Variants in MACF1 observed in about 807,000 individuals in gnomAD.
The protein encoded by MACF1 is microtubule-actin cross-linking factor 1.
A neutral mutation model predicts 854.8 loss-of-function variants in MACF1; 193 were observed. The ratio of observed to expected loss-of-function variants is 0.23; its 90% confidence interval spans 0.20 to 0.25. MACF1 has a LOEUF of 0.25. MACF1 is among the 10% of genes least tolerant of loss of function. MACF1 has a pLI of 1.00. For missense variants in MACF1, 7,722 were observed against 8,929.1 expected (o/e 0.86, Z 5.45); for synonymous variants, 3,185 against 3,226.7 (o/e 0.99, Z 0.44).
At chr1:39,220,544 G>A (rs582194) in intron 1 of MACF1, among the ~76,000 whole-genome samples, 18,849 of 146,238 alleles carry the variant, frequency 0.13, 2,421 homozygotes, top group African/African-American at 0.34. Context: ...GTGCAGTGGC[G>A]CAATCTCAGC....
intron 49 of MACF1, among the ~76,000 whole-genome samples, chr1:39,365,118 C>T (rs927566265): frequency 2.0e-5 from 3 of 151,988 alleles, no homozygotes; most frequent in Non-Finnish European, 2.9e-5. Flanking sequence ...GCTCTGTCAC[C>T]GAGGCTGGAG....
rs765631894 is a variant in MACF1 at position 39,385,643 on chromosome 1, C to G, written c.14058C>G (p.Thr4686=). 6.2e-7 allele frequency: 1 copy of G among 1,614,110 alleles called. No individual in the cohort carries two copies. The highest frequency in any genetic ancestry group is 1.7e-5 in the Admixed American group (1 of 60,000). The change falls in exon 57 of 101, where the codon ACC becomes ACG. Residue 4686 remains threonine (T), a synonymous_variant. Coordinates refer to ENST00000564288, the MANE Select transcript of MACF1 (RefSeq NM_001394062.1). ...TTGACCAAGCTATTGTTAAGAGCAC[C>G]CAGTACCAGGAACTGCTCCAGGACT... is the stretch of plus-strand genomic sequence containing the variant. ...SQIDQAIVKS[T]QYQELLQDLS...
rs184278236 is a variant in MACF1 at position 39,396,866 on chromosome 1, G to A, written c.15816+8208G>A. On this transcript the variant is annotated intron_variant, in intron 58 of 100. Transcript: ENST00000564288. The stretch of plus-strand genomic sequence containing the variant: ...TCACAAGTCTCAGCTGTCCCAGTTG[G>A]AAAAACCCAGCTATGGGTAGAATGT... 6.8e-3 allele frequency among the ~76,000 whole-genome samples: 1,030 copies of A among 152,316 alleles called. 8 individuals are homozygous for A. The highest frequency in any genetic ancestry group is 9.8e-3 in the Admixed American group (150 of 15,296).
At position 39,316,254 on chromosome 1, in the gene MACF1, A is replaced by C. The variant is rs974001568; in HGVS notation, c.3450-137A>C. The C allele has an allele frequency of 1.1e-5, 7 of 663,288 alleles. No individual in the cohort carries two copies. The Admixed American group carries it at 2.0e-4, about 19-fold the overall frequency. 41.1% of individuals were successfully genotyped at this position (663,288 alleles called of 1,614,324 possible). On this transcript the variant is annotated intron_variant, in intron 27 of 100. Coordinates refer to ENST00000564288, the MANE Select transcript of MACF1 (RefSeq NM_001394062.1). Reference sequence around the variant, plus strand: ...AAACCACATTTACTTGTTTTCACAAAACCCTGTCAACATCTAAAAATGGTG... The same window carrying C: ...AAACCACATTTACTTGTTTTCACAACACCCTGTCAACATCTAAAAATGGTG...
Position 39,227,326 on chromosome 1 carries a change from G to A in MACF1, c.110-3856G>A, listed in dbSNP as rs74485364. Among the ~76,000 whole-genome samples the A allele has an allele frequency of 4.0e-4, 61 of 152,156 alleles. No individual in the cohort carries two copies. The East Asian group carries it at 4.8e-3, about 12-fold the overall frequency. ...TAATCATACTTGGCCAATTGAGAAC[G>A]CTCTCCGGTGGTTTTATGTTTTAGT... is the stretch of plus-strand genomic sequence containing the variant. On this transcript the variant is annotated intron_variant, in intron 1 of 100. Coordinates refer to ENST00000564288, the MANE Select transcript of MACF1 (RefSeq NM_001394062.1).
intron 20 of MACF1, among the ~76,000 whole-genome samples, chr1:39,296,747 A>AAGGAAGGAAGG (rs1557571161): frequency 7.9e-5 from 3 of 37,950 alleles, no homozygotes; most frequent in Admixed American, 6.8e-4. Context: ...AGAAAGAAAG[A>AAGGAAGGAAGG]AAGAAAGGAA....
chr1:39,252,955 ATGT>A (rs1645058180), intron 4 of MACF1, among the ~76,000 whole-genome samples: 1 of 152,166 alleles, frequency 6.6e-6, no homozygotes, highest in East Asian at 1.9e-4. Context: ...ATTTGGAGCA[ATGT>A]TGTTCTCTGC....
At chr1:39,097,448 A>G (rs1014914385) in intron 2 of MACF1, among the ~76,000 whole-genome samples, 2 of 151,860 alleles carry the variant, frequency 1.3e-5, no homozygotes, top group African/African-American at 2.4e-5. Context: ...GGAGGATAGC[A>G]CAGTGGCTCA....
intron 2 of MACF1, among the ~76,000 whole-genome samples, chr1:39,140,914 C>CAAA (rs34687844): frequency 3.1e-4 from 15 of 48,272 alleles, no homozygotes; most frequent in Non-Finnish European, 4.4e-4. Context: ...GACTCTGTCT[C>CAAA]AAAAAAAAAA....
chr1:39,236,665 C>CT (rs971882029), intron 2 of MACF1, among the ~76,000 whole-genome samples: 2 of 151,846 alleles, frequency 1.3e-5, no homozygotes, highest in African/African-American at 2.4e-5. Flanking sequence ...TTGTAATTTC[C>CT]TTTTTTTTCT....
intron 79 of MACF1, 143 bp downstream of exon 79, chr1:39,443,717 G>A (rs1644165780): frequency 3.2e-6 from 3 of 928,036 alleles, no homozygotes; most frequent in South Asian, 2.0e-5. Context: ...TTTGGGGATT[G>A]CTGCCTGTTA....
At chr1:39,241,078 T>A (rs1644917704) in intron 2 of MACF1, among the ~76,000 whole-genome samples, 1 of 151,566 alleles carries the variant, frequency 6.6e-6, no homozygotes, top group Non-Finnish European at 1.5e-5. Context: ...AGTGTTGGGC[T>A]TTTCCTTGAA....
chr1:39,452,378 A>C (rs771775285), intron 86 of MACF1, 28 bp downstream of exon 86: 2 of 1,601,830 alleles, frequency 1.2e-6, no homozygotes, highest in South Asian at 1.1e-5. Context: ...TCCCAACCCA[A>C]GGGATAGATC....
chr1:39,096,755 T>C (rs1202050561), intron 2 of MACF1, among the ~76,000 whole-genome samples: 2 of 152,110 alleles, frequency 1.3e-5, no homozygotes, highest in Non-Finnish European at 2.9e-5. Flanking sequence ...TTTTTAACCA[T>C]TATATTATAC....
chr1:39,183,881 C>T (rs749963024), intron 2 of MACF1, among the ~76,000 whole-genome samples: 35 of 152,160 alleles, frequency 2.3e-4, no homozygotes, highest in Non-Finnish European at 4.0e-4. Flanking sequence ...CACAGGATTA[C>T]CAAAGAATGA....
At chr1:39,299,732 G>A (rs1178861089) in intron 21 of MACF1, among the ~76,000 whole-genome samples, 1 of 152,072 alleles carries the variant, frequency 6.6e-6, no homozygotes, top group Non-Finnish European at 1.5e-5. Flanking sequence ...GTAGAGCTTG[G>A]GAGATATAAT....
Position 39,333,484 on chromosome 1 carries a change from A to G in MACF1, c.6896A>G (p.His2299Arg). The change falls in exon 37 of 101, where the codon CAT becomes CGT. Residue 2299 changes from histidine to arginine, a missense_variant. Around this residue, in one of 15 missense-constraint regions of MACF1, gnomAD observed 1,531 missense variants for 1,601.6 expected, o/e 0.96. Transcript: ENST00000564288. Reference sequence around the variant, plus strand: ...CAGTTACTAGATGGTGGTATCTTTCATGAACAAACAGGTCAAAAGCTCTTA... The same window carrying G: ...CAGTTACTAGATGGTGGTATCTTTCGTGAACAAACAGGTCAAAAGCTCTTA... ...SAQLLDGGIF[H>R]EQTGQKLLLN... 2 of 1,614,226 alleles carry G rather than the reference A, an allele frequency of 1.2e-6. No homozygotes were observed. Among genetic ancestry groups the G allele is most frequent in the South Asian group, 1.1e-5 (1 of 91,086 alleles).
At chr1:39,443,029 G>T (rs75882914) in intron 78 of MACF1, 118 bp downstream of exon 78, 9 of 971,152 alleles carry the variant, frequency 9.3e-6, no homozygotes, top group Non-Finnish European at 1.4e-5. Context: ...TGAGGGGAAG[G>T]TTAATACTGT....
intron 23 of MACF1, among the ~76,000 whole-genome samples, chr1:39,307,765 G>T (rs1025187145): frequency 3.3e-5 from 5 of 151,052 alleles, no homozygotes; most frequent in Non-Finnish European, 4.4e-5. Flanking sequence ...GTAGAGACGG[G>T]GTTTCGCCAT....
Sources: allele counts gnomAD v4.1 joint callset (sites outside exome capture counted in the v4.1 genomes callset), GRCh38; gene constraint gnomAD v4.1.1; regional missense constraint gnomAD v4.1.1; transcripts MANE v1.5; gene names NCBI Gene and HGNC (gene_info 2026-07-23, HGNC 2026-07-21).